Variants in SLCO3A1 observed in about 807,000 individuals in gnomAD.
SLCO3A1 encodes PGE1 transporter.
SLCO3A1 carries 27 observed loss-of-function variants against 63.1 expected under a neutral mutation model. The observed-to-expected ratio is 0.43, with a 90% CI of 0.32 to 0.59. The LOEUF is 0.59. Ranked by LOEUF, SLCO3A1 falls within the 20% of genes least tolerant of loss-of-function variation. SLCO3A1 has a pLI of 0.09. For missense variants in SLCO3A1, 773 were observed against 945.8 expected, an observed-to-expected ratio of 0.82 and a Z score of 2.40; for synonymous variants, 473 against 409.9, an observed-to-expected ratio of 1.15 and a Z score of -1.86.
chr15:92,064,226 G>T (rs1347006514), intron 2 of SLCO3A1, among the ~76,000 whole-genome samples: 4 of 152,216 alleles, frequency 2.6e-5, no homozygotes, highest in Non-Finnish European at 5.9e-5. Flanking sequence ...AACCTTCCCA[G>T]AGCGTAAGAG....
rs137961325 is a variant in SLCO3A1 at position 92,160,261 on chromosome 15, T to C, written c.1754-2495T>C. On this transcript the variant is annotated intron_variant, in intron 9 of 9. Transcript: ENST00000318445. Reference sequence around the variant, plus strand: ...AGGCCACATTAGTTCCATTTATCTCTAGGTCCATCTGTAATACACACTGGC... The same window carrying C: ...AGGCCACATTAGTTCCATTTATCTCCAGGTCCATCTGTAATACACACTGGC... Among the ~76,000 whole-genome samples the C allele has an allele frequency of 9.8e-5, 15 of 152,288 alleles. No individual in the cohort carries two copies. The East Asian group carries it at 2.9e-3, about 29-fold the overall frequency.
intron 7 of SLCO3A1, among the ~76,000 whole-genome samples, chr15:92,146,338 A>ATATT (rs1465155679): frequency 6.6e-6 from 1 of 152,184 alleles, no homozygotes; most frequent in Non-Finnish European, 1.5e-5. Flanking sequence ...CTCTGATCAT[A>ATATT]TATTAATAAA....
At chr15:91,974,823 A>G (rs1233248928) in intron 2 of SLCO3A1, among the ~76,000 whole-genome samples, 2 of 152,184 alleles carry the variant, frequency 1.3e-5, no homozygotes, top group African/African-American at 4.8e-5. Context: ...TGATGAAGCC[A>G]GTGTCCCCAT....
intron 2 of SLCO3A1, among the ~76,000 whole-genome samples, chr15:92,028,023 C>T (rs1056758898): frequency 2.0e-5 from 3 of 152,178 alleles, no homozygotes; most frequent in African/African-American, 7.2e-5. Context: ...GAGAATCTTC[C>T]CTAGAATTTC....
chr15:92,162,907 C>G lies in SLCO3A1; in HGVS notation c.1905C>G (p.Ser635=), dbSNP rs1164196749. The part of the protein sequence containing the change: ...LYVSIAIALK[S]FAFILYTTTW... ...TCAGCATCGCCATCGCGCTCAAATCCTTCGCCTTCATCCTGTACACCACCA... is the reference window on the plus strand; with the variant it reads ...TCAGCATCGCCATCGCGCTCAAATCGTTCGCCTTCATCCTGTACACCACCA... The change falls in exon 10 of 10, where the codon TCC becomes TCG. Residue 635 remains serine, a synonymous_variant. Coordinates refer to ENST00000318445, the MANE Select transcript of SLCO3A1 (RefSeq NM_013272.4). The G allele has an allele frequency of 3.7e-6, 6 of 1,614,088 alleles. No individual in the cohort carries two copies. Among genetic ancestry groups the G allele is most frequent in the African/African-American group, 2.7e-5 (2 of 74,912 alleles).
chr15:91,869,064 C>T (rs780403514), intron 1 of SLCO3A1, among the ~76,000 whole-genome samples: 4 of 152,094 alleles, frequency 2.6e-5, no homozygotes, highest in Non-Finnish European at 4.4e-5. Context: ...TGACCGTTAA[C>T]CGCACCTTCC....
chr15:91,941,856 A>ATGGG lies in SLCO3A1; in HGVS notation c.646+25399_646+25402dup, dbSNP rs1296046816. ...GGAGCTGCATAAATGCCACTGGCTT[A>ATGGG]TGGGCATCTGCAGTTCTGAGAGTGA... On this transcript the variant is annotated intron_variant, in intron 2 of 9. Coordinates refer to ENST00000318445, the MANE Select transcript of SLCO3A1 (RefSeq NM_013272.4). This position sits in a 1 kb window ranked among gnomAD's most constrained non-coding sequence, Gnocchi z 4.4. 1.3e-5 allele frequency among the ~76,000 whole-genome samples: 2 copies of ATGGG among 152,104 alleles called. No homozygotes were observed. Among genetic ancestry groups the ATGGG allele is most frequent in the Non-Finnish European group, 2.9e-5 (2 of 68,020 alleles).
chr15:92,002,848 A>C (rs28460283), intron 2 of SLCO3A1, among the ~76,000 whole-genome samples: 9,092 of 152,216 alleles, frequency 0.06, 922 homozygotes, highest in African/African-American at 0.21. Context: ...ATAATATTAC[A>C]TGCACTGTGC....
chr15:92,034,104 G>A (rs72757421), intron 2 of SLCO3A1, among the ~76,000 whole-genome samples: 25,364 of 148,060 alleles, frequency 0.17, 2,756 homozygotes, highest in East Asian at 0.27. Flanking sequence ...ACAACTCCTG[G>A]GTGCTCTGTG....
intron 1 of SLCO3A1, among the ~76,000 whole-genome samples, chr15:91,913,806 G>A (rs975918202): frequency 1.3e-5 from 2 of 152,128 alleles, no homozygotes; most frequent in South Asian, 2.1e-4. Context: ...AGACACACCC[G>A]GTTGGTCAGC....
chr15:92,143,529 T>C (rs2048178671), intron 7 of SLCO3A1, among the ~76,000 whole-genome samples: 1 of 101,134 alleles, frequency 9.9e-6, no homozygotes, highest in Non-Finnish European at 1.8e-5. Flanking sequence ...AGCCCTGTCC[T>C]GGATGGCTGG....
At chr15:91,983,969 A>G (rs187858121) in intron 2 of SLCO3A1, among the ~76,000 whole-genome samples, 10 of 152,336 alleles carry the variant, frequency 6.6e-5, no homozygotes, top group Admixed American at 3.9e-4. Context: ...AGGAAAATCA[A>G]GACAGGGAGC....
At chr15:92,134,401 T>A (rs1323274829) in intron 7 of SLCO3A1, among the ~76,000 whole-genome samples, 1 of 152,194 alleles carries the variant, frequency 6.6e-6, no homozygotes, top group Non-Finnish European at 1.5e-5. Flanking sequence ...AGTGTAGAGA[T>A]GAATAAGGAA....
Position 91,971,397 on chromosome 15 carries a change from A to AAAAG in SLCO3A1, c.646+54942_646+54943insGAAA, listed in dbSNP as rs1966850509. On this transcript the variant is annotated intron_variant, in intron 2 of 9. Transcript: ENST00000318445. ...GTGACAGAGCGAGACTCCATCTCAA[A>AAAAG]AAAAAAAAAAAAAGCAACCTCTTCC... is the stretch of plus-strand genomic sequence containing the variant. 1.4e-5 allele frequency among the ~76,000 whole-genome samples: 2 copies of AAAAG among 143,582 alleles called. 1 individual carries two copies. The highest frequency in any genetic ancestry group is 3.1e-5 in the Non-Finnish European group (2 of 65,284). The allele number at this position is 143,582 out of a possible 152,430, so 94.2% of individuals were successfully genotyped here. A position where few individuals can be genotyped will look rare whatever the true frequency, so the allele number is the denominator to read the frequency against.
chr15:92,110,643 A>G (rs926957851), intron 4 of SLCO3A1, among the ~76,000 whole-genome samples: 2 of 152,174 alleles, frequency 1.3e-5, no homozygotes, highest in Non-Finnish European at 2.9e-5. Context: ...TACCCCTTCC[A>G]AGGCACATCA....
intron 1 of SLCO3A1, among the ~76,000 whole-genome samples, chr15:91,891,211 T>A (rs561132565): frequency 2.0e-4 from 30 of 151,692 alleles, no homozygotes; most frequent in African/African-American, 7.0e-4. Context: ...TGATGGACCA[T>A]TCAAATCAGC....
At position 91,894,586 on chromosome 15, in the gene SLCO3A1, A is replaced by G. The variant is rs1426655446; in HGVS notation, c.181-21407A>G. ...GGAGGGTCCCCAGCACTGTGTTGCC[A>G]TGGAGTGGACAGTGGGGCTGAAGAC... is the stretch of plus-strand genomic sequence containing the variant. On this transcript the variant is annotated intron_variant, in intron 1 of 9. Transcript: ENST00000318445. This position sits in a 1 kb window ranked among gnomAD's most constrained non-coding sequence, Gnocchi z 4.8. 6.6e-6 allele frequency among the ~76,000 whole-genome samples: 1 copy of G among 152,202 alleles called. No homozygotes were observed. The highest frequency in any genetic ancestry group is 1.5e-5 in the Non-Finnish European group (1 of 68,038).
At chr15:91,992,577 A>G (rs968816422) in intron 2 of SLCO3A1, among the ~76,000 whole-genome samples, 6 of 152,212 alleles carry the variant, frequency 3.9e-5, no homozygotes, top group African/African-American at 1.4e-4. Flanking sequence ...ACCATCTGGC[A>G]TGCAGTATTG....
At chr15:92,019,170 A>T (rs1459420421) in intron 2 of SLCO3A1, among the ~76,000 whole-genome samples, 1 of 152,088 alleles carries the variant, frequency 6.6e-6, no homozygotes, top group Non-Finnish European at 1.5e-5. Flanking sequence ...TCACTTGTGC[A>T]GGCAGAGGTT....
Sources: gnomAD v4.1 joint callset for allele counts (sites outside exome capture counted in the v4.1 genomes callset) on GRCh38, gnomAD v4.1.1 for gene constraint, Gnocchi (gnomAD v3.1) non-coding constraint, MANE v1.5 for transcripts, NCBI Gene and HGNC (gene_info 2026-07-23, HGNC 2026-07-21) for gene names.